OAF: variants seen among roughly 807,000 people sequenced by gnomAD.
OAF encodes out at first homolog.
In OAF, 13 loss-of-function variants were observed where a neutral mutation model predicts 22.5. The observed-to-expected ratio is 0.58, with a 90% CI of 0.38 to 0.92. The LOEUF (loss-of-function observed/expected upper bound fraction) is 0.92, where lower values mean the gene tolerates loss of function less well. Among genes scored for constraint, OAF ranks in the 40% least tolerant of loss-of-function variants. The pLI, the probability that OAF is intolerant of heterozygous loss-of-function variation, is 0.00. For synonymous variants in OAF, 175 were observed against 170.5 expected, an observed-to-expected ratio of 1.03 and a Z score of -0.21; for missense variants, 347 against 381.8, an observed-to-expected ratio of 0.91 and a Z score of 0.76.
At position 120,230,193 on chromosome 11, in the gene OAF, C is replaced by G. The variant is rs973368286; in HGVS notation, c.*1051C>G. 1 of 152,208 alleles carries G rather than the reference C, an allele frequency of 6.6e-6. No homozygotes were observed. Among genetic ancestry groups the G allele is most frequent in the Admixed American group, 6.5e-5 (1 of 15,286 alleles). The allele number at this position is 152,208 out of a possible 1,614,324, so 9.4% of individuals were successfully genotyped here. A position where few individuals can be genotyped will look rare whatever the true frequency, so the allele number is the denominator to read the frequency against. On this transcript the variant is annotated 3_prime_UTR_variant, in exon 4 of 4. Coordinates refer to ENST00000328965, the MANE Select transcript of OAF (RefSeq NM_178507.4). Reference sequence around the variant, plus strand: ...TAGTAAGCCAGTCAGAAATAGCCAGCGCGAAGGCAAGAGATGGGGTGGAGA... The same window carrying G: ...TAGTAAGCCAGTCAGAAATAGCCAGGGCGAAGGCAAGAGATGGGGTGGAGA...
chr11:120,223,956 C>T (rs1938318429), intron 1 of OAF, among the ~76,000 whole-genome samples: 1 of 152,190 alleles, frequency 6.6e-6, no homozygotes, highest in South Asian at 2.1e-4. Flanking sequence ...GGCAGAGCAG[C>T]CTCCCATCTC....
intron 3 of OAF, 44 bp from the exon 4 acceptor site, chr11:120,228,824 C>T (rs1938395161): frequency 3.9e-6 from 2 of 519,062 alleles, no homozygotes; most frequent in Non-Finnish European, 3.6e-6. Flanking sequence ...AGCTCCTTCC[C>T]TCCCTCCCTC....
At chr11:120,228,493 G>A (rs1463328059) in intron 3 of OAF, among the ~76,000 whole-genome samples, 2 of 152,118 alleles carry the variant, frequency 1.3e-5, no homozygotes, top group African/African-American at 2.4e-5. Flanking sequence ...TGGCAGTGTG[G>A]TCTAGTGGAG....
rs538201174 is a variant in OAF at position 120,225,180 on chromosome 11, C to G, written c.232-481C>G. Among the ~76,000 whole-genome samples, 6 of 152,214 alleles carry G rather than the reference C, an allele frequency of 3.9e-5. No individual in the cohort carries two copies. The East Asian group carries it at 1.2e-3, about 29-fold the overall frequency. ...TCACTCAGTGGTCGGTGGCCAGGAG[C>G]CTGGCCAATCAGAAGCACCAAGGGC... On this transcript the variant is annotated intron_variant, in intron 1 of 3. Transcript: ENST00000328965.
chr11:120,226,702 G>A (rs949254668), intron 2 of OAF, 114 bp from the exon 3 acceptor site: 3 of 906,416 alleles, frequency 3.3e-6, no homozygotes, highest in Admixed American at 2.4e-5. Context: ...CCTGCAGATG[G>A]CCCCAGCGTT....
intron 1 of OAF, among the ~76,000 whole-genome samples, chr11:120,212,253 G>GGTGGGTGGGTGTGGGTGT: frequency 6.7e-6 from 1 of 148,798 alleles, no homozygotes; most frequent in Admixed American, 6.7e-5. Context: ...CCGGTGGGTG[G>GGTGGGTGGGTGTGGGTGT]GTGGGTGGGT....
rs2135100409 is a variant in OAF, at chr11:120,229,585, CCCTT to C, written c.*447_*450del. ...ATCTGGAAGGAGCTGGCCCCTCAGTCCCTTCCTACTCCCCAACAAGGGGCTCACT... is the reference window on the plus strand; with the variant it reads ...ATCTGGAAGGAGCTGGCCCCTCAGTCCCTACTCCCCAACAAGGGGCTCACT... On this transcript the variant is annotated 3_prime_UTR_variant, in exon 4 of 4. Coordinates refer to ENST00000328965, the MANE Select transcript of OAF (RefSeq NM_178507.4). 5.9e-6 allele frequency: 1 copy of C among 170,490 alleles called. No homozygotes were observed. Among genetic ancestry groups the C allele is most frequent in the African/African-American group, 2.3e-5 (1 of 42,678 alleles). 10.6% of individuals were successfully genotyped at this position (170,490 alleles called of 1,614,324 possible).
At position 120,226,734 on chromosome 11, in the gene OAF, T is replaced by C; in HGVS notation, c.367-82T>C. On this transcript the variant is annotated intron_variant, in intron 2 of 3. Transcript: ENST00000328965. Reference sequence around the variant, plus strand: ...CGTTCTAAAGGCAGTCAGCTTGGGCTCGCCTGACTCTGGAGGGTCAGGGGA... The same window carrying C: ...CGTTCTAAAGGCAGTCAGCTTGGGCCCGCCTGACTCTGGAGGGTCAGGGGA... The C allele has an allele frequency of 2.2e-6, 3 of 1,341,874 alleles. No homozygotes were observed. The Admixed American group carries it at 6.1e-5, about 27-fold the overall frequency. 83.1% of individuals were successfully genotyped at this position (1,341,874 alleles called of 1,614,324 possible).
In OAF at chr11:120,229,185, C is replaced by T; in HGVS notation, c.*43C>T. The T allele has an allele frequency of 6.4e-7, 1 of 1,571,714 alleles. No individual in the cohort carries two copies. The highest frequency in any genetic ancestry group is 1.1e-5 in the South Asian group (1 of 87,750). ...GGGTGGCTGCTCTGGGCCCACTGCT[C>T]TTCACCAGCCACTAGAGGGGGTGGC... On this transcript the variant is annotated 3_prime_UTR_variant, in exon 4 of 4. Transcript: ENST00000328965.
intron 1 of OAF, among the ~76,000 whole-genome samples, chr11:120,215,165 G>A (rs543382252): frequency 1.3e-5 from 2 of 152,178 alleles, no homozygotes; most frequent in South Asian, 2.1e-4. Flanking sequence ...CCAATATGGC[G>A]AAACCCCGTC....
At position 120,226,965 on chromosome 11, in the gene OAF, C is replaced by G. The variant is rs145262765; in HGVS notation, c.516C>G (p.Arg172=). 2 of 1,603,152 alleles carry G rather than the reference C, an allele frequency of 1.2e-6. No individual in the cohort carries two copies. The highest frequency in any genetic ancestry group is 2.7e-5 in the African/African-American group (2 of 74,762). ...AGGCCGTGGATGCCATCTACACCCG[C>G]CAGGAGGATGTCCGGTTCTGGCTGG... ...CAEAVDAIYT[R]QEDVRFWLEQ... Residue 172 remains arginine (R), a synonymous_variant, in exon 3 of 4, where the codon CGC becomes CGG. Transcript: ENST00000328965.
intron 1 of OAF, among the ~76,000 whole-genome samples, chr11:120,223,148 G>A (rs1938304331): frequency 1.3e-5 from 2 of 152,320 alleles, no homozygotes; most frequent in Admixed American, 6.5e-5. Context: ...GCCAGCTCAG[G>A]CATCAAGGGC....
intron 1 of OAF, among the ~76,000 whole-genome samples, chr11:120,213,244 G>A (rs1279016233): frequency 6.6e-6 from 1 of 151,400 alleles, no homozygotes; most frequent in African/African-American, 2.4e-5. Context: ...TACCCAGGTA[G>A]CTGTGATGTG....
At chr11:120,223,204 A>C (rs1443169454) in intron 1 of OAF, among the ~76,000 whole-genome samples, 1 of 152,200 alleles carries the variant, frequency 6.6e-6, no homozygotes, top group African/African-American at 2.4e-5. Flanking sequence ...TCTTTAGCTG[A>C]GCATCAAGGA....
intron 1 of OAF, among the ~76,000 whole-genome samples, chr11:120,225,304 G>A (rs118150081): frequency 0.011 from 1,638 of 152,150 alleles, 18 homozygotes; most frequent in South Asian, 0.025. Context: ...TCTGGAATCG[G>A]TACTGGAAAA....
At chr11:120,223,005 T>C (rs1045022555) in intron 1 of OAF, among the ~76,000 whole-genome samples, 3 of 152,186 alleles carry the variant, frequency 2.0e-5, no homozygotes, top group African/African-American at 4.8e-5. Context: ...CTCTTATTTG[T>C]GTCATGCTGT....
intron 3 of OAF, among the ~76,000 whole-genome samples, chr11:120,228,160 C>T (rs561315574): frequency 6.6e-6 from 1 of 152,162 alleles, no homozygotes; most frequent in South Asian, 2.1e-4. Flanking sequence ...TCTCGGCTCA[C>T]TGCAACCTCC....
intron 1 of OAF, among the ~76,000 whole-genome samples, chr11:120,223,239 C>T (rs918726377): frequency 6.6e-6 from 1 of 152,142 alleles, no homozygotes; most frequent in African/African-American, 2.4e-5. Context: ...ATCCAGGAGG[C>T]AATTATGGAT....
chr11:120,225,637 T>C, intron 1 of OAF, 24 bp from the exon 2 acceptor site: 1 of 1,570,894 alleles, frequency 6.4e-7, no homozygotes. Context: ...CTCCAGCCGT[T>C]CCCATCCTCC....
Sources: allele counts gnomAD v4.1 joint callset (sites outside exome capture counted in the v4.1 genomes callset), GRCh38; gene constraint gnomAD v4.1.1; transcripts MANE v1.5; gene names NCBI Gene and HGNC (gene_info 2026-07-23, HGNC 2026-07-21).